The following SDK2 variants were observed in gnomAD, a reference collection of about 807,000 sequenced individuals.
SDK2 encodes the protein sidekick cell adhesion molecule 2, also known as protein sidekick-2.
SDK2 carries 105 observed loss-of-function variants against 253.9 expected under a neutral mutation model. The observed-to-expected ratio is 0.41, with a 90% CI of 0.35 to 0.49. The LOEUF is 0.49. Ranked by LOEUF, SDK2 falls within the 20% of genes least tolerant of loss-of-function variation. The probability of loss-of-function intolerance (pLI) is 0.06; values close to 1 mark genes in which losing one functional copy is unlikely to be tolerated. For missense variants in SDK2, 2,608 were observed against 3,003.0 expected (o/e 0.87, Z 3.07); for synonymous variants, 1,249 against 1,234.9 (o/e 1.01, Z -0.24).
chr17:73,468,344 A>G (rs1395004102), intron 3 of SDK2, among the ~76,000 whole-genome samples: 1 of 152,094 alleles, frequency 6.6e-6, no homozygotes, highest in African/African-American at 2.4e-5. Context: ...AGCTCAAGAA[A>G]TCCTTCCAAC....
At chr17:73,492,350 C>T (rs1483440925) in intron 2 of SDK2, among the ~76,000 whole-genome samples, 1 of 152,126 alleles carries the variant, frequency 6.6e-6, no homozygotes, top group Non-Finnish European at 1.5e-5. Flanking sequence ...CTGTGCACTC[C>T]CAGGCCCATG....
chr17:73,470,954 G>T (rs2063645391), intron 3 of SDK2, among the ~76,000 whole-genome samples: 1 of 152,220 alleles, frequency 6.6e-6, no homozygotes, highest in South Asian at 2.1e-4. Flanking sequence ...CCGGGACAGG[G>T]CTGGGAAGGT....
chr17:73,380,718 G>A (rs765744060), intron 34 of SDK2, among the ~76,000 whole-genome samples, 176 bp downstream of exon 34: 9 of 152,318 alleles, frequency 5.9e-5, no homozygotes, highest in East Asian at 1.9e-4. Context: ...CCCTGTCATC[G>A]GCCTACTTTT....
rs113665757 is a variant in SDK2 at position 73,366,925 on chromosome 17, G to A, written c.5167+1482C>T. Among the ~76,000 whole-genome samples, 1,248 of 152,136 alleles carry A rather than the reference G, an allele frequency of 8.2e-3. 10 individuals are homozygous for A. The highest frequency in any genetic ancestry group is 0.028 in the African/African-American group (1,178 of 41,520). On this transcript the variant is annotated intron_variant, in intron 37 of 44. Transcript: ENST00000392650. ...CCAGGCCATCTTCTGCACAGCAGCCGGAGCACTTTTCTCTAAATGTAAACC... is the reference window on the plus strand; with the variant it reads ...CCAGGCCATCTTCTGCACAGCAGCCAGAGCACTTTTCTCTAAATGTAAACC...
At chr17:73,571,709 C>T (rs999145402) in intron 1 of SDK2, among the ~76,000 whole-genome samples, 9 of 152,218 alleles carry the variant, frequency 5.9e-5, no homozygotes, top group East Asian at 1.9e-4. Context: ...CTGGAAACAC[C>T]GTTTCCCGCC....
intron 2 of SDK2, 119 bp from the exon 3 acceptor site, chr17:73,472,337 G>A: frequency 1.5e-6 from 1 of 666,820 alleles, no homozygotes; most frequent in Non-Finnish European, 2.7e-6. Context: ...AGAGTACCAG[G>A]GAACTCTTGA....
chr17:73,452,651 T>C (rs1191406264), intron 4 of SDK2, among the ~76,000 whole-genome samples: 2 of 152,080 alleles, frequency 1.3e-5, no homozygotes, highest in Non-Finnish European at 2.9e-5. Flanking sequence ...ACAACAAATG[T>C]AGCAGGAAAG....
intron 1 of SDK2, among the ~76,000 whole-genome samples, chr17:73,557,055 G>A (rs1158685903): frequency 8.5e-5 from 13 of 152,222 alleles, no homozygotes; most frequent in East Asian, 3.8e-4. Context: ...TTGGCCTTAT[G>A]TGGGTTTGAA....
intron 1 of SDK2, among the ~76,000 whole-genome samples, chr17:73,628,403 C>A (rs147755676): frequency 6.6e-6 from 1 of 152,210 alleles, no homozygotes; most frequent in Non-Finnish European, 1.5e-5. Flanking sequence ...TCCTCCTAGA[C>A]GCCTGAGAGG....
chr17:73,424,156 C>G, intron 12 of SDK2, 64 bp from the exon 13 acceptor site: 1 of 1,393,042 alleles, frequency 7.2e-7, no homozygotes. Context: ...TGGGCCTAGC[C>G]TGAAGCTTGT....
At chr17:73,510,697 C>G (rs996557715) in intron 1 of SDK2, among the ~76,000 whole-genome samples, 1 of 152,020 alleles carries the variant, frequency 6.6e-6, no homozygotes, top group Non-Finnish European at 1.5e-5. Context: ...TTTCACCATG[C>G]TGGCCAGGCT....
At chr17:73,412,147 T>C (rs12946990) in intron 18 of SDK2, among the ~76,000 whole-genome samples, 1 of 8,240 alleles carries the variant, frequency 1.2e-4, no homozygotes, top group African/African-American at 2.4e-4. Flanking sequence ...TGTATATGTA[T>C]ATATACGTAT....
intron 1 of SDK2, among the ~76,000 whole-genome samples, chr17:73,610,765 A>G (rs545136420): frequency 6.6e-6 from 1 of 152,254 alleles, no homozygotes; most frequent in East Asian, 1.9e-4. Context: ...ATGTATCTAT[A>G]TATGTGTGTT....
chr17:73,477,203 C>T (rs1365780925), intron 2 of SDK2, among the ~76,000 whole-genome samples: 2 of 152,166 alleles, frequency 1.3e-5, no homozygotes, highest in African/African-American at 2.4e-5. Context: ...ATCCCCAATG[C>T]GCTCCCTCCT....
In SDK2 at chr17:73,383,323, T is replaced by C. The variant is rs1200419203; in HGVS notation, c.4705+553A>G. On this transcript the variant is annotated intron_variant, in intron 33 of 44. Transcript: ENST00000392650. The surrounding 1 kb of genome is among the most constrained non-coding windows in gnomAD (Gnocchi z 4.3). ...ATCGGCTCTCCCTGACATTTCCACC[T>C]GGGCTCCCCTCTTTCCTTCCTTTGC... Among the ~76,000 whole-genome samples, 1 of 152,200 alleles carries C rather than the reference T, an allele frequency of 6.6e-6. No homozygotes were observed. The highest frequency in any genetic ancestry group is 2.4e-5 in the African/African-American group (1 of 41,458).
chr17:73,589,814 C>G (rs1009306383), intron 1 of SDK2, among the ~76,000 whole-genome samples: 2 of 152,194 alleles, frequency 1.3e-5, no homozygotes, highest in Non-Finnish European at 2.9e-5. Context: ...CCCGCAGAGC[C>G]ACTGCGGATT....
intron 3 of SDK2, among the ~76,000 whole-genome samples, chr17:73,469,357 A>G (rs1269395596): frequency 2.0e-5 from 3 of 152,168 alleles, no homozygotes; most frequent in African/African-American, 7.2e-5. Flanking sequence ...AGTGTGGGGA[A>G]GGGGAAGCTC....
intron 1 of SDK2, among the ~76,000 whole-genome samples, chr17:73,551,806 C>G (rs1460495666): frequency 6.6e-6 from 1 of 152,138 alleles, no homozygotes; most frequent in African/African-American, 2.4e-5. Flanking sequence ...TCAGACCACC[C>G]CACCCCGCTG....
At position 73,395,484 on chromosome 17, in the gene SDK2, C is replaced by T. The variant is rs1437396491; in HGVS notation, c.3355-92G>A. The T allele has an allele frequency of 3.0e-6, 3 of 997,396 alleles. No individual in the cohort carries two copies. The highest frequency in any genetic ancestry group is 4.6e-6 in the Non-Finnish European group (3 of 657,588). The allele number at this position is 997,396 out of a possible 1,614,324, so 61.8% of individuals were successfully genotyped here. A position where few individuals can be genotyped will look rare whatever the true frequency, so the allele number is the denominator to read the frequency against. On this transcript the variant is annotated intron_variant, in intron 24 of 44. Transcript: ENST00000392650. This position sits in a 1 kb window ranked among gnomAD's most constrained non-coding sequence, Gnocchi z 4.3. ...CCTGCTACCCTCTCCTCCAGGGCGC[C>T]TTCAGGGCTATCCATCCCACTGTCA...
Sources: allele counts gnomAD v4.1 joint callset (sites outside exome capture counted in the v4.1 genomes callset), GRCh38; gene constraint gnomAD v4.1.1; non-coding constraint Gnocchi (gnomAD v3.1); transcripts MANE v1.5; gene names NCBI Gene and HGNC (gene_info 2026-07-23, HGNC 2026-07-21).